The following ZNF140 variants were observed in gnomAD, a reference collection of about 807,000 sequenced individuals.
ZNF140 encodes the protein zinc finger protein 140 (clone pHZ-39).
A neutral mutation model predicts 12.9 loss-of-function variants in ZNF140; 13 were observed. The observed-to-expected ratio is 1.01, with a 90% CI of 0.66 to 1.60. The LOEUF (loss-of-function observed/expected upper bound fraction) is 1.60. Among genes scored for constraint, ZNF140 ranks in the 40% most tolerant of loss-of-function variants. The pLI, the probability that ZNF140 is intolerant of heterozygous loss-of-function variation, is 0.00. For missense variants in ZNF140, 531 were observed against 548.8 expected (o/e 0.97, Z 0.32); for synonymous variants, 214 against 186.7 (o/e 1.15, Z -1.19).
At chr12:133,101,123 T>C (rs896991943) in intron 4 of ZNF140, 3 of 306,944 alleles carry the variant, frequency 9.8e-6, no homozygotes, top group Non-Finnish European at 2.0e-5. Flanking sequence ...ATAATATACC[T>C]AATTGTAGGG....
chr12:133,085,165 C>G (rs985160103), intron 4 of ZNF140, among the ~76,000 whole-genome samples: 1 of 152,100 alleles, frequency 6.6e-6, no homozygotes, highest in African/African-American at 2.4e-5. Context: ...ACTGGGACTA[C>G]AGGCACCTGC....
At chr12:133,093,873 T>C (rs1018617823) in intron 4 of ZNF140, among the ~76,000 whole-genome samples, 1 of 151,100 alleles carries the variant, frequency 6.6e-6, no homozygotes, top group Non-Finnish European at 1.5e-5. Context: ...TCTCTTCCTT[T>C]TACACGATCT....
intron 4 of ZNF140, among the ~76,000 whole-genome samples, chr12:133,088,285 A>G (rs1248742761): frequency 1.3e-4 from 19 of 152,000 alleles, no homozygotes; most frequent in African/African-American, 2.4e-5. Flanking sequence ...CCCATTCCCA[A>G]CCCTTGGCAT....
chr12:133,096,601 AT>A (rs1955139092), intron 4 of ZNF140, among the ~76,000 whole-genome samples: 1 of 152,200 alleles, frequency 6.6e-6, no homozygotes, highest in Non-Finnish European at 1.5e-5. Context: ...TTAGTTCAAC[AT>A]ATTTTTAAGT....
intron 2 of ZNF140, 119 bp from the exon 3 acceptor site, chr12:133,082,982 ACT>A (rs2137479699): frequency 6.9e-7 from 1 of 1,440,366 alleles, no homozygotes; most frequent in South Asian, 1.3e-5. Flanking sequence ...AATTCTGAAA[ACT>A]CTCACTGTTA....
At chr12:133,091,375 T>C (rs923254995) in intron 4 of ZNF140, among the ~76,000 whole-genome samples, 39 of 147,460 alleles carry the variant, frequency 2.6e-4, no homozygotes, top group African/African-American at 9.3e-4. Flanking sequence ...ATACAACACA[T>C]GTTTTTGTGA....
intron 4 of ZNF140, among the ~76,000 whole-genome samples, chr12:133,093,053 G>A (rs1349715031): frequency 6.6e-6 from 1 of 151,156 alleles, no homozygotes; most frequent in African/African-American, 2.5e-5. Flanking sequence ...GGCATTGACA[G>A]TAGGTACTTA....
chr12:133,101,271 T>C (rs1955336143), intron 4 of ZNF140, among the ~76,000 whole-genome samples: 7 of 152,160 alleles, frequency 4.6e-5, no homozygotes, highest in Admixed American at 4.6e-4. Context: ...TTCTTCCTTC[T>C]TTTTTAGTAT....
chr12:133,088,814 T>G (rs1954765765), intron 4 of ZNF140, among the ~76,000 whole-genome samples: 3 of 152,242 alleles, frequency 2.0e-5, no homozygotes, highest in Admixed American at 6.5e-5. Context: ...ATTGATATTA[T>G]GTGATTTTAC....
rs1006385302 is a variant in ZNF140 at position 133,103,891 on chromosome 12, A to G, written c.233-1619A>G. Among the ~76,000 whole-genome samples, 11 of 152,328 alleles carry G rather than the reference A, an allele frequency of 7.2e-5. No homozygotes were observed. In the South Asian group the frequency reaches 2.3e-3, roughly 32 times the overall value. ...TGGTTTAAAGAAGAGGCAAGAAAGG[A>G]ATTTAATGTTTTATCTGCATTGACA... On this transcript the variant is annotated intron_variant, in intron 4 of 4. Transcript: ENST00000355557.
rs369108910 is a variant in ZNF140, at chr12:133,106,292, C to T, written c.1015C>T (p.Arg339Cys). 1.3e-5 allele frequency: 21 copies of T among 1,614,124 alleles called. No individual in the cohort carries two copies. Among genetic ancestry groups the T allele is most frequent in the Admixed American group, 3.3e-5 (2 of 60,010 alleles). Residue 339 changes from arginine (R) to cysteine (C), a missense_variant, in exon 5 of 5, where the codon CGT becomes TGT. Physicochemically the swap from Arg to Cys is radical, Grantham distance 180. Transcript: ENST00000355557. ...YECNECRKAF[R>C]CHSFLIKHQR... ...ATGTAATGAATGTAGGAAAGCTTTCCGTTGTCACTCATTCCTTATTAAACA... is the reference window on the plus strand; with the variant it reads ...ATGTAATGAATGTAGGAAAGCTTTCTGTTGTCACTCATTCCTTATTAAACA...
intron 1 of ZNF140, 62 bp from the exon 2 acceptor site, chr12:133,081,211 C>G (rs1216559745): frequency 2.5e-6 from 2 of 806,208 alleles, no homozygotes; most frequent in Non-Finnish European, 4.1e-6. Flanking sequence ...GTGCGGGAAT[C>G]TAGTGACTTG....
chr12:133,105,562 T>C lies in ZNF140; in HGVS notation c.285T>C (p.Tyr95=). The change falls in exon 5 of 5, where the codon TAT becomes TAC. Residue 95 remains tyrosine, a synonymous_variant. Coordinates refer to ENST00000355557, the MANE Select transcript of ZNF140 (RefSeq NM_003440.4). The part of the protein sequence containing the change: ...IKDFSPKNVI[Y]DDSSQYLIME... Reference sequence around the variant, plus strand: ...ACTTTTCACCAAAAAATGTCATTTATGATGACTCATCCCAGTATTTGATCA... The same window carrying C: ...ACTTTTCACCAAAAAATGTCATTTACGATGACTCATCCCAGTATTTGATCA... 6.2e-7 allele frequency: 1 copy of C among 1,613,326 alleles called. No homozygotes were observed. The highest frequency in any genetic ancestry group is 8.5e-7 in the Non-Finnish European group (1 of 1,179,812).
At chr12:133,089,846 A>G (rs1593756369) in intron 4 of ZNF140, among the ~76,000 whole-genome samples, 1 of 144,638 alleles carries the variant, frequency 6.9e-6, no homozygotes, top group East Asian at 2.0e-4. Context: ...TTTCATCAAT[A>G]TTTGTGCTTT....
intron 4 of ZNF140, among the ~76,000 whole-genome samples, chr12:133,085,135 C>T (rs1032532234): frequency 6.6e-6 from 1 of 152,060 alleles, no homozygotes; most frequent in Non-Finnish European, 1.5e-5. Context: ...AGTGATTCTG[C>T]TGCTTCAGCC....
rs79062225 is a variant in ZNF140 at position 133,095,374 on chromosome 12, C to T, written c.233-10136C>T. 3.0e-4 allele frequency among the ~76,000 whole-genome samples: 45 copies of T among 151,060 alleles called. No homozygotes were observed. The East Asian group carries it at 5.8e-3, about 20-fold the overall frequency. ...GCGCACAAGCTTACCGCAAGGCTGA[C>T]TGTGGATGTACTTGGGAATCTCTCG... is the stretch of plus-strand genomic sequence containing the variant. On this transcript the variant is annotated intron_variant, in intron 4 of 4. Coordinates refer to ENST00000355557, the MANE Select transcript of ZNF140 (RefSeq NM_003440.4).
At chr12:133,104,111 A>G (rs1411124100) in intron 4 of ZNF140, among the ~76,000 whole-genome samples, 3 of 152,238 alleles carry the variant, frequency 2.0e-5, no homozygotes, top group Non-Finnish European at 2.9e-5. Context: ...CCAAAGTGCC[A>G]ACGTATGTTT....
intron 4 of ZNF140, among the ~76,000 whole-genome samples, chr12:133,103,999 T>C (rs971415657): frequency 6.6e-6 from 1 of 152,250 alleles, no homozygotes; most frequent in Admixed American, 6.5e-5. Flanking sequence ...GTACAGATCT[T>C]GATCCATTAT....
intron 4 of ZNF140, among the ~76,000 whole-genome samples, chr12:133,090,861 A>G (rs1302932653): frequency 0.01 from 1,355 of 129,794 alleles, 45 homozygotes; most frequent in East Asian, 0.033. Context: ...TGTGCATGTA[A>G]TCCAGATTTA....
Sources: allele counts gnomAD v4.1 joint callset (sites outside exome capture counted in the v4.1 genomes callset), GRCh38; gene constraint gnomAD v4.1.1; transcripts MANE v1.5; gene names NCBI Gene and HGNC (gene_info 2026-07-23, HGNC 2026-07-21).